The following SRGAP1 variants were observed in gnomAD, a reference collection of about 807,000 sequenced individuals.
The protein encoded by SRGAP1 is SLIT-ROBO Rho GTPase activating protein 1, also known as SLIT-ROBO Rho GTPase-activating protein 1.
In SRGAP1, 43 loss-of-function variants were observed where a neutral mutation model predicts 121.9. The observed-to-expected ratio is 0.35, with a 90% CI of 0.28 to 0.46. The LOEUF is 0.46. Among genes scored for constraint, SRGAP1 ranks in the 20% least tolerant of loss-of-function variants. SRGAP1 has a pLI of 1.00. For synonymous variants in SRGAP1, 447 were observed against 485.4 expected (o/e 0.92, Z 1.04); for missense variants, 1,102 against 1,350.9 (o/e 0.82, Z 2.89).
At chr12:64,000,275 T>TGTGTGTGTGTGTA (rs1555163998) in intron 3 of SRGAP1, among the ~76,000 whole-genome samples, 2 of 133,354 alleles carry the variant, frequency 1.5e-5, no homozygotes, top group African/African-American at 5.7e-5. Flanking sequence ...TGTGTGTGTG[T>TGTGTGTGTGTGTA]AAAAAAAAAA....
At chr12:64,056,715 G>A (rs2035350580) in intron 6 of SRGAP1, among the ~76,000 whole-genome samples, 1 of 152,004 alleles carries the variant, frequency 6.6e-6, no homozygotes, top group Non-Finnish European at 1.5e-5. Context: ...GTCATCTCTT[G>A]CAACTTTTCC....
intron 1 of SRGAP1, among the ~76,000 whole-genome samples, chr12:63,906,698 C>A (rs118129952): frequency 1.3e-5 from 2 of 152,156 alleles, no homozygotes; most frequent in Non-Finnish European, 2.9e-5. Flanking sequence ...ACAATTGTTA[C>A]CAAGTAACAA....
chr12:63,982,004 G>C (rs2033266636), intron 1 of SRGAP1, among the ~76,000 whole-genome samples: 1 of 152,030 alleles, frequency 6.6e-6, no homozygotes, highest in South Asian at 2.1e-4. Context: ...ACGAGGTCAG[G>C]AGATCGAGAC....
intron 2 of SRGAP1, among the ~76,000 whole-genome samples, chr12:63,987,095 C>T (rs980419328): frequency 6.6e-6 from 1 of 152,098 alleles, no homozygotes; most frequent in Admixed American, 6.5e-5. Context: ...GTTTTATGAC[C>T]CTTAAGTGAG....
At chr12:63,952,794 A>T (rs1020548115) in intron 1 of SRGAP1, among the ~76,000 whole-genome samples, 1 of 152,096 alleles carries the variant, frequency 6.6e-6, no homozygotes, top group Non-Finnish European at 1.5e-5. Context: ...TACAGGTGCT[A>T]ACACTTTTAA....
intron 4 of SRGAP1, among the ~76,000 whole-genome samples, chr12:64,028,242 G>T (rs989785404): frequency 1.1e-4 from 16 of 152,212 alleles, no homozygotes; most frequent in Non-Finnish European, 2.4e-4. Flanking sequence ...TCTTTCAGTA[G>T]ATTAAACTTG....
intron 1 of SRGAP1, among the ~76,000 whole-genome samples, chr12:63,860,828 C>CT (rs56144118): frequency 1.1e-3 from 156 of 145,532 alleles, no homozygotes; most frequent in South Asian, 5.8e-3. Context: ...TTCTTGCCCT[C>CT]TTTTTTTTTT....
chr12:63,937,720 T>C (rs2031712097), intron 1 of SRGAP1, among the ~76,000 whole-genome samples: 1 of 152,236 alleles, frequency 6.6e-6, no homozygotes, highest in Admixed American at 6.5e-5. Context: ...ACATGTAGCA[T>C]GTTATATTAA....
chr12:63,985,235 G>T (rs1331397460), intron 2 of SRGAP1, among the ~76,000 whole-genome samples: 1 of 152,082 alleles, frequency 6.6e-6, no homozygotes, highest in South Asian at 2.1e-4. Context: ...AGAAGAGGAG[G>T]ATATTCCAGG....
chr12:64,104,803 C>A (rs2036314487), intron 15 of SRGAP1, among the ~76,000 whole-genome samples: 1 of 152,118 alleles, frequency 6.6e-6, no homozygotes, highest in South Asian at 2.1e-4. Context: ...ATAACTTTAT[C>A]TAGTTTTTTT....
At chr12:64,132,872 C>G (rs2036806457) in intron 21 of SRGAP1, among the ~76,000 whole-genome samples, 1 of 152,242 alleles carries the variant, frequency 6.6e-6, no homozygotes, top group Admixed American at 6.5e-5. Context: ...TATTGCTGGC[C>G]TTGCCAGCTG....
At chr12:64,084,942 T>C (rs2136572081) in intron 10 of SRGAP1, among the ~76,000 whole-genome samples, 1 of 152,284 alleles carries the variant, frequency 6.6e-6, no homozygotes, top group South Asian at 2.1e-4. Context: ...CAGTATTTTG[T>C]ATTTGGCTTT....
At chr12:64,114,185 T>A (rs2036478851) in intron 17 of SRGAP1, among the ~76,000 whole-genome samples, 1 of 152,158 alleles carries the variant, frequency 6.6e-6, no homozygotes, top group Non-Finnish European at 1.5e-5. Context: ...CAATTCAAAA[T>A]ATTTACTTGA....
At chr12:64,120,398 C>G (rs1259589642) in intron 18 of SRGAP1, 1 of 152,114 alleles carries the variant, frequency 6.6e-6, no homozygotes, top group Non-Finnish European at 1.5e-5. Context: ...GTTTTTCAAA[C>G]CACCCAGGTA....
chr12:64,031,732 T>C (rs542811312), intron 4 of SRGAP1, among the ~76,000 whole-genome samples: 1 of 152,354 alleles, frequency 6.6e-6, no homozygotes, highest in East Asian at 1.9e-4. Flanking sequence ...CCAGAAGTTA[T>C]GTGATCAATT....
At chr12:64,054,894 C>A (rs2035311042) in intron 6 of SRGAP1, among the ~76,000 whole-genome samples, 1 of 122,402 alleles carries the variant, frequency 8.2e-6, no homozygotes, top group Non-Finnish European at 1.7e-5. Flanking sequence ...CCCCTCCCCC[C>A]ACCCCACCAC....
At chr12:63,875,277 GGTGTGTGT>G (rs142238376) in intron 1 of SRGAP1, among the ~76,000 whole-genome samples, 2 of 150,928 alleles carry the variant, frequency 1.3e-5, no homozygotes, top group African/African-American at 2.4e-5. Context: ...GTTATTGTTT[GGTGTGTGT>G]GTGTGTGTGT....
At position 64,146,407 on chromosome 12, in the gene SRGAP1, AG is replaced by A. The variant is rs1340400215; in HGVS notation, c.*3736del. 2 of 152,186 alleles carry A rather than the reference AG, an allele frequency of 1.3e-5. No individual in the cohort carries two copies. The highest frequency in any genetic ancestry group is 2.9e-5 in the Non-Finnish European group (2 of 68,032). The allele number at this position is 152,186 out of a possible 1,614,324, so 9.4% of individuals were successfully genotyped here. ...AAAAAAGGGGGGGTTTATAATTTAA[AG>A]AAAAGGAAAAGAGGCGTGGGTTGGT... On this transcript the variant is annotated 3_prime_UTR_variant, in exon 22 of 22. Coordinates refer to ENST00000355086, the MANE Select transcript of SRGAP1 (RefSeq NM_020762.4).
intron 1 of SRGAP1, among the ~76,000 whole-genome samples, chr12:63,855,961 T>C (rs1226497538): frequency 6.6e-6 from 1 of 151,960 alleles, no homozygotes; most frequent in Non-Finnish European, 1.5e-5. Context: ...TTTTCACTTT[T>C]AAAAAGATCC....
Sources: allele counts gnomAD v4.1 joint callset (sites outside exome capture counted in the v4.1 genomes callset), GRCh38; gene constraint gnomAD v4.1.1; transcripts MANE v1.5; gene names NCBI Gene and HGNC (gene_info 2026-07-23, HGNC 2026-07-21).